Variants in PARVA observed in about 807,000 individuals in gnomAD.
PARVA encodes alpha-parvin.
Under a neutral mutation model 52.6 loss-of-function variants are expected in PARVA, and 25 were observed. The ratio of observed to expected loss-of-function variants is 0.48; its 90% CI spans 0.35 to 0.66. PARVA has a LOEUF of 0.66. Among genes scored for constraint, PARVA ranks in the 30% least tolerant of loss-of-function variants. PARVA has a pLI of 0.01. For missense variants in PARVA, 373 were observed against 450.9 expected (o/e 0.83, Z 1.56); for synonymous variants, 185 against 179.1 (o/e 1.03, Z -0.26).
intron 12 of PARVA, among the ~76,000 whole-genome samples, chr11:12,521,959 G>A (rs1385613199): frequency 6.6e-6 from 1 of 152,204 alleles, no homozygotes; most frequent in South Asian, 2.1e-4. Flanking sequence ...CTGACACCGT[G>A]ATTTTATCTC....
chr11:12,453,406 A>G (rs980179463), intron 1 of PARVA, among the ~76,000 whole-genome samples: 1 of 152,106 alleles, frequency 6.6e-6, no homozygotes, highest in Non-Finnish European at 1.5e-5. Context: ...GGCCTTTGTG[A>G]GCTGTGAGCC....
intron 1 of PARVA, among the ~76,000 whole-genome samples, chr11:12,406,164 G>T (rs912910927): frequency 1.3e-5 from 2 of 152,224 alleles, no homozygotes; most frequent in Non-Finnish European, 2.9e-5. Flanking sequence ...TCAGGTGATT[G>T]TGGAGGCTGG....
chr11:12,508,516 GT>G, intron 6 of PARVA, 67 bp from the exon 7 acceptor site: 1 of 1,071,586 alleles, frequency 9.3e-7, no homozygotes, highest in East Asian at 2.4e-5. Flanking sequence ...GCTCATCAGT[GT>G]TTCTGTATTT....
intron 10 of PARVA, among the ~76,000 whole-genome samples, chr11:12,517,220 CCT>C (rs1402356113): frequency 6.6e-6 from 1 of 152,052 alleles, no homozygotes; most frequent in African/African-American, 2.4e-5. Context: ...CAGCGAGCTT[CCT>C]TCCATCAGAG....
chr11:12,420,521 AATACCT>A (rs1328546647), intron 1 of PARVA, among the ~76,000 whole-genome samples: 1 of 152,216 alleles, frequency 6.6e-6, no homozygotes, highest in African/African-American at 2.4e-5. Flanking sequence ...ACACATGGAA[AATACCT>A]ATACCTAAAA....
chr11:12,513,112 G>T, intron 8 of PARVA, 187 bp from the exon 9 acceptor site: 1 of 704,792 alleles, frequency 1.4e-6, no homozygotes, highest in South Asian at 1.5e-5. Context: ...GGCTCCCAGG[G>T]TGAGAATCAC....
intron 1 of PARVA, among the ~76,000 whole-genome samples, chr11:12,418,425 TTC>T (rs147829002): frequency 0.011 from 1,738 of 152,262 alleles, 39 homozygotes; most frequent in African/African-American, 0.039. Flanking sequence ...TGGGCTTGCG[TTC>T]TCTTTGTTGG....
rs773407326 is a variant in PARVA at position 12,377,791 on chromosome 11, C to G, written c.136+8C>G. ...GGAAGAAAGCCAAGGAGGGTGAGTG[C>G]GGCCAGGCCGGCCGGGCGGGCGGTA... On this transcript the variant is annotated splice_region_variant and intron_variant, in intron 1 of 12. Coordinates refer to ENST00000334956, the MANE Select transcript of PARVA (RefSeq NM_018222.5). 12 of 1,480,604 alleles carry G rather than the reference C, an allele frequency of 8.1e-6. No individual in the cohort carries two copies. The Admixed American group carries it at 2.3e-4, about 29-fold the overall frequency. The allele number at this position is 1,480,604 out of a possible 1,614,324, so 91.7% of individuals were successfully genotyped here.
At chr11:12,427,105 AGGCTAATAAGAC>A (rs1292582298) in intron 1 of PARVA, among the ~76,000 whole-genome samples, 4 of 152,242 alleles carry the variant, frequency 2.6e-5, no homozygotes, top group Non-Finnish European at 4.4e-5. Context: ...AGTAAAAATC[AGGCTAATAAGAC>A]AGGGTTTTAA....
At chr11:12,466,456 G>A (rs552866274) in intron 1 of PARVA, among the ~76,000 whole-genome samples, 85 of 151,874 alleles carry the variant, frequency 5.6e-4, no homozygotes, top group African/African-American at 1.7e-3. Flanking sequence ...ACAGGCATGC[G>A]CCACCATGCC....
chr11:12,389,935 G>A (rs191115036), intron 1 of PARVA, among the ~76,000 whole-genome samples: 6 of 152,224 alleles, frequency 3.9e-5, no homozygotes, highest in African/African-American at 9.6e-5. Flanking sequence ...ACTCTTTTCC[G>A]TTCACTCATT....
At chr11:12,414,729 G>C (rs2134978176) in intron 1 of PARVA, among the ~76,000 whole-genome samples, 1 of 151,888 alleles carries the variant, frequency 6.6e-6, no homozygotes, top group Admixed American at 6.6e-5. Flanking sequence ...TTCATATGAA[G>C]TGAAAAGAAT....
At chr11:12,404,497 C>T (rs906469673) in intron 1 of PARVA, among the ~76,000 whole-genome samples, 9 of 152,316 alleles carry the variant, frequency 5.9e-5, no homozygotes, top group Admixed American at 3.3e-4. Flanking sequence ...TCAGAGCCTC[C>T]ACAGAAGCAG....
chr11:12,450,210 T>C (rs1243362826), intron 1 of PARVA, among the ~76,000 whole-genome samples: 1 of 152,232 alleles, frequency 6.6e-6, no homozygotes, highest in Non-Finnish European at 1.5e-5. Context: ...GAATTTTTAT[T>C]AAGTCAAGAT....
At position 12,377,639 on chromosome 11, in the gene PARVA, C is replaced by A; in HGVS notation, c.-9C>A. 1 of 1,567,054 alleles carries A rather than the reference C, an allele frequency of 6.4e-7. No homozygotes were observed. Among genetic ancestry groups the A allele is most frequent in the Non-Finnish European group, 8.6e-7 (1 of 1,162,158 alleles). On this transcript the variant is annotated 5_prime_UTR_variant, in exon 1 of 13. Transcript: ENST00000334956. ...GTCCCGACCGGCCCGCGGCAGCCTG[C>A]GCCGCGCCATGGCCACCTCCCCGCA...
intron 12 of PARVA, among the ~76,000 whole-genome samples, chr11:12,522,418 A>ATTTT (rs1554903711): frequency 1.3e-5 from 1 of 76,232 alleles, no homozygotes; most frequent in Non-Finnish European, 2.6e-5. Context: ...CAAGAGCTTT[A>ATTTT]TTCTTTTTTT....
At chr11:12,470,363 T>C (rs1301350430) in intron 1 of PARVA, among the ~76,000 whole-genome samples, 1 of 152,232 alleles carries the variant, frequency 6.6e-6, no homozygotes, top group Non-Finnish European at 1.5e-5. Context: ...TCTGGGTACT[T>C]TGCATATATT....
At chr11:12,468,498 T>TTGCA (rs1467593388) in intron 1 of PARVA, among the ~76,000 whole-genome samples, 1 of 152,204 alleles carries the variant, frequency 6.6e-6, no homozygotes, top group Non-Finnish European at 1.5e-5. Flanking sequence ...TTACCATTCA[T>TTGCA]TGCAGACCTA....
chr11:12,532,065 T>G lies in PARVA; in HGVS notation c.*4140T>G, dbSNP rs1300466932. Reference sequence around the variant, plus strand: ...TCCAAACTCTGCTTATAGCCCATGCTTTACTACAGTGGTGGTCGCATATGT... The same window carrying G: ...TCCAAACTCTGCTTATAGCCCATGCGTTACTACAGTGGTGGTCGCATATGT... On this transcript the variant is annotated 3_prime_UTR_variant, in exon 13 of 13. Coordinates refer to ENST00000334956, the MANE Select transcript of PARVA (RefSeq NM_018222.5). Among the ~76,000 whole-genome samples the G allele has an allele frequency of 6.6e-6, 1 of 152,218 alleles. No individual in the cohort carries two copies. Among genetic ancestry groups the G allele is most frequent in the Non-Finnish European group, 1.5e-5 (1 of 68,038 alleles).
Sources: gnomAD v4.1 joint callset for allele counts (sites outside exome capture counted in the v4.1 genomes callset) on GRCh38, gnomAD v4.1.1 for gene constraint, MANE v1.5 for transcripts, NCBI Gene and HGNC (gene_info 2026-07-23, HGNC 2026-07-21) for gene names.